Variants in FOXP2 observed in about 807,000 individuals in gnomAD.
FOXP2 encodes forkhead box P2, also known as forkhead box protein P2.
A neutral mutation model predicts 115.8 loss-of-function variants in FOXP2; 12 were observed. The ratio of observed to expected loss-of-function variants is 0.10; its 90% confidence interval spans 0.07 to 0.17. The LOEUF (loss-of-function observed/expected upper bound fraction) is 0.17, where lower values mean the gene tolerates loss of function less well. FOXP2 is among the 10% of genes least tolerant of loss of function. FOXP2 has a pLI of 1.00. For synonymous variants in FOXP2, 328 were observed against 297.7 expected, an observed-to-expected ratio of 1.10 and a Z score of -1.05; for missense variants, 629 against 843.5, an observed-to-expected ratio of 0.75 and a Z score of 3.15.
chr7:114,338,748 TCACA>T (rs56411270), intron 2 of FOXP2, among the ~76,000 whole-genome samples: 15,193 of 146,516 alleles, frequency 0.1, 821 homozygotes, highest in Middle Eastern at 0.16. Context: ...GTCAAGATGT[TCACA>T]CACACACACA....
chr7:114,478,253 A>G (rs2129235236), intron 2 of FOXP2, among the ~76,000 whole-genome samples: 1 of 151,934 alleles, frequency 6.6e-6, no homozygotes, highest in Non-Finnish European at 1.5e-5. Flanking sequence ...CAAACTCTAC[A>G]ATACCAATGT....
chr7:114,286,085 T>C (rs1412976412), intron 1 of FOXP2, among the ~76,000 whole-genome samples: 1 of 151,918 alleles, frequency 6.6e-6, no homozygotes, highest in Non-Finnish European at 1.5e-5. Flanking sequence ...TTCTATATGG[T>C]GTGATAAGGT....
At chr7:114,582,467 T>C (rs569037776) in intron 3 of FOXP2, among the ~76,000 whole-genome samples, 1 of 152,322 alleles carries the variant, frequency 6.6e-6, no homozygotes, top group Admixed American at 6.5e-5. Context: ...ATGTGACAGC[T>C]TTACTCTCAC....
At chr7:114,451,327 C>T (rs1009141337) in intron 2 of FOXP2, among the ~76,000 whole-genome samples, 1 of 151,900 alleles carries the variant, frequency 6.6e-6, no homozygotes, top group African/African-American at 2.4e-5. Flanking sequence ...GCACATATTT[C>T]GGTGTGAATT....
intron 1 of FOXP2, among the ~76,000 whole-genome samples, chr7:114,287,099 C>A (rs565640261): frequency 6.6e-6 from 1 of 152,010 alleles, no homozygotes; most frequent in African/African-American, 2.4e-5. Flanking sequence ...TAGTCACTAC[C>A]GATCAATCAG....
chr7:114,330,308 T>A (rs774817479), intron 2 of FOXP2, among the ~76,000 whole-genome samples: 18 of 151,944 alleles, frequency 1.2e-4, no homozygotes, highest in Non-Finnish European at 2.2e-4. Flanking sequence ...ATATGAAATA[T>A]GGCAAAGATA....
chr7:114,586,532 A>G (rs1406081358), intron 3 of FOXP2, among the ~76,000 whole-genome samples: 3 of 152,192 alleles, frequency 2.0e-5, no homozygotes, highest in African/African-American at 7.2e-5. Context: ...GATTTTAACA[A>G]TATTTGCATC....
chr7:114,346,352 C>T (rs754661106), intron 2 of FOXP2, among the ~76,000 whole-genome samples: 1 of 151,532 alleles, frequency 6.6e-6, no homozygotes, highest in South Asian at 2.1e-4. Context: ...ACCTAAGTAT[C>T]CAACATTGGA....
At chr7:114,283,532 A>G (rs1370385848) in intron 1 of FOXP2, among the ~76,000 whole-genome samples, 2 of 152,174 alleles carry the variant, frequency 1.3e-5, no homozygotes, top group East Asian at 3.9e-4. Flanking sequence ...TATTTCTTTT[A>G]GGATTCATCT....
chr7:114,147,462 CA>C (rs1792406626), intron 1 of FOXP2, among the ~76,000 whole-genome samples: 1 of 152,080 alleles, frequency 6.6e-6, no homozygotes, highest in Admixed American at 6.5e-5. Flanking sequence ...ATGGTGCAGA[CA>C]AAGTACCCTT....
intron 3 of FOXP2, among the ~76,000 whole-genome samples, chr7:114,559,761 C>T (rs1343741055): frequency 1.3e-5 from 2 of 151,948 alleles, no homozygotes; most frequent in Non-Finnish European, 2.9e-5. Context: ...TGGTGGCCGG[C>T]GCCTGTAGTC....
intron 16 of FOXP2, among the ~76,000 whole-genome samples, chr7:114,684,540 C>T (rs921452482): frequency 2.6e-5 from 4 of 152,126 alleles, no homozygotes; most frequent in Non-Finnish European, 4.4e-5. Context: ...AAATACTCAG[C>T]TATTAAAGCC....
At chr7:114,162,059 A>T (rs533059213), upstream of FOXP2, among the ~76,000 whole-genome samples, 1 of 152,304 alleles carries the variant, frequency 6.6e-6, no homozygotes, top group Non-Finnish European at 1.5e-5. Context: ...CTGGGATTAC[A>T]GGCGTGAGTC....
chr7:114,262,499 C>T (rs1795781226), intron 1 of FOXP2, among the ~76,000 whole-genome samples: 2 of 152,044 alleles, frequency 1.3e-5, no homozygotes, highest in Non-Finnish European at 2.9e-5. Context: ...AGGTAACAAA[C>T]CTGCACATAT....
At chr7:114,104,709 G>T (rs890100674) in intron 1 of FOXP2, among the ~76,000 whole-genome samples, 1 of 151,914 alleles carries the variant, frequency 6.6e-6, no homozygotes, top group African/African-American at 2.4e-5. Context: ...TCTTGATGTG[G>T]CAGTTGTATT....
intron 1 of FOXP2, among the ~76,000 whole-genome samples, chr7:114,142,839 GA>G (rs111271212): frequency 6.6e-6 from 1 of 150,832 alleles, no homozygotes; most frequent in African/African-American, 2.4e-5. Context: ...ACAGCATTTT[GA>G]AAAAAAAAAT....
At chr7:114,132,422 T>C (rs911105247) in intron 1 of FOXP2, among the ~76,000 whole-genome samples, 1 of 152,044 alleles carries the variant, frequency 6.6e-6, no homozygotes, top group Admixed American at 6.6e-5. Flanking sequence ...CATAAAAAAA[T>C]CACTTATCTT....
rs1263412797 is a variant in FOXP2 at position 114,690,809 on chromosome 7, C to G, written c.*883C>G. The G allele has an allele frequency of 4.4e-6, 2 of 454,424 alleles. No individual in the cohort carries two copies. The highest frequency in any genetic ancestry group is 8.8e-6 in the Non-Finnish European group (2 of 226,784). The allele number at this position is 454,424 out of a possible 1,614,324, so 28.1% of individuals were successfully genotyped here. A position where few individuals can be genotyped will look rare whatever the true frequency, so the allele number is the denominator to read the frequency against. On this transcript the variant is annotated 3_prime_UTR_variant, in exon 17 of 17. Transcript: ENST00000350908. ...GACAGAAGCAGCCACATGCTTTGGTCAGCCTTCTGTAACTTCAATTAGTAC... is the reference window on the plus strand; with the variant it reads ...GACAGAAGCAGCCACATGCTTTGGTGAGCCTTCTGTAACTTCAATTAGTAC...
intron 2 of FOXP2, among the ~76,000 whole-genome samples, chr7:114,462,366 CTTTTTTTTTTT>C (rs1170387045): frequency 1.1e-5 from 1 of 89,286 alleles, no homozygotes; most frequent in Admixed American, 1.5e-4. Context: ...AGCATAATAT[CTTTTTTTTTTT>C]TTTTTTTTTT....
Sources: gnomAD v4.1 joint callset for allele counts (sites outside exome capture counted in the v4.1 genomes callset) on GRCh38, gnomAD v4.1.1 for gene constraint, MANE v1.5 for transcripts, NCBI Gene and HGNC (gene_info 2026-07-23, HGNC 2026-07-21) for gene names.